Variants in KIF5C observed in about 807,000 individuals in gnomAD.
KIF5C encodes the protein kinesin family member 5C.
KIF5C carries 18 observed loss-of-function variants against 125.2 expected under a neutral mutation model. The observed-to-expected ratio is 0.14, with a 90% CI of 0.10 to 0.21. The LOEUF (loss-of-function observed/expected upper bound fraction) is 0.21. KIF5C is among the 10% of genes least tolerant of loss of function. The pLI is 1.00. For synonymous variants in KIF5C, 405 were observed against 434.0 expected, an observed-to-expected ratio of 0.93 and a Z score of 0.83; for missense variants, 780 against 1,183.8, an observed-to-expected ratio of 0.66 and a Z score of 5.01.
chr2:148,967,907 C>T (rs1415784310), intron 11 of KIF5C, among the ~76,000 whole-genome samples: 1 of 152,080 alleles, frequency 6.6e-6, no homozygotes, highest in Admixed American at 6.6e-5. Flanking sequence ...ATTACAGCTC[C>T]AGCTCATGCT....
intron 18 of KIF5C, chr2:148,998,124 C>A: frequency 2.2e-6 from 1 of 451,342 alleles, no homozygotes; most frequent in Non-Finnish European, 4.0e-6. Context: ...TGGAGAAGCT[C>A]AGGCTGGGCT....
At chr2:148,914,539 G>A (rs1220516280) in intron 1 of KIF5C, among the ~76,000 whole-genome samples, 1 of 152,260 alleles carries the variant, frequency 6.6e-6, no homozygotes, top group African/African-American at 2.4e-5. Flanking sequence ...TTCTAGCCTG[G>A]TTTCCCGCAG....
At chr2:148,958,274 C>T (rs573170997) in intron 10 of KIF5C, among the ~76,000 whole-genome samples, 2 of 152,176 alleles carry the variant, frequency 1.3e-5, no homozygotes, top group African/African-American at 2.4e-5. Context: ...TTTTCCAAAA[C>T]GACAGTAATA....
chr2:148,964,629 G>A (rs1683007108), intron 11 of KIF5C, among the ~76,000 whole-genome samples: 1 of 152,162 alleles, frequency 6.6e-6, no homozygotes, highest in Non-Finnish European at 1.5e-5. Context: ...TGACTGAGAA[G>A]CCAGTGAAGG....
intron 25 of KIF5C, among the ~76,000 whole-genome samples, chr2:149,019,730 AAAG>A (rs1232564519): frequency 2.0e-5 from 3 of 152,252 alleles, no homozygotes; most frequent in Admixed American, 2.0e-4. Flanking sequence ...TAAAAAGGCA[AAAG>A]AAAAACTAAA....
chr2:148,950,118 A>G (rs922124516), intron 9 of KIF5C, among the ~76,000 whole-genome samples, 175 bp downstream of exon 9: 6 of 152,162 alleles, frequency 3.9e-5, no homozygotes, highest in South Asian at 2.1e-4. Flanking sequence ...ACTAAAAAGT[A>G]TGAATGGTGA....
At chr2:148,998,610 C>A in intron 19 of KIF5C, 101 bp downstream of exon 19, 1 of 1,508,186 alleles carries the variant, frequency 6.6e-7, no homozygotes, top group Non-Finnish European at 8.9e-7. Context: ...CCCTGCTCAC[C>A]TTGCCCTGTG....
chr2:148,973,310 C>A lies in KIF5C; in HGVS notation c.1118-26C>A, dbSNP rs768939768. 4.4e-6 allele frequency: 7 copies of A among 1,596,410 alleles called. No homozygotes were observed. The Admixed American group carries it at 1.2e-4, about 28-fold the overall frequency. On this transcript the variant is annotated intron_variant, in intron 11 of 25. Transcript: ENST00000435030. The stretch of plus-strand genomic sequence containing the variant: ...TTGCATACTCAATTTCTTTAATCCC[C>A]AACTCTGCTCGGCTATGTTTTGCAG...
chr2:148,898,033 T>A (rs972584882), intron 1 of KIF5C, among the ~76,000 whole-genome samples: 1 of 143,698 alleles, frequency 7.0e-6, no homozygotes, highest in Non-Finnish European at 1.5e-5. Context: ...TGGAGAGGAG[T>A]TGAGCCCTGA....
At chr2:148,922,054 G>A in intron 1 of KIF5C, 83 bp from the exon 2 acceptor site, 1 of 851,750 alleles carries the variant, frequency 1.2e-6, no homozygotes, top group East Asian at 2.7e-5. Flanking sequence ...CTATGGCCTA[G>A]CTACTAATGT....
intron 25 of KIF5C, among the ~76,000 whole-genome samples, chr2:149,014,056 C>T (rs1179808681): frequency 2.1e-4 from 32 of 152,146 alleles, no homozygotes. Flanking sequence ...TGGAGTTTCA[C>T]TCTTGTTGCC....
At chr2:148,987,087 C>T (rs1681398702) in intron 15 of KIF5C, among the ~76,000 whole-genome samples, 1 of 152,120 alleles carries the variant, frequency 6.6e-6, no homozygotes, top group African/African-American at 2.4e-5. Context: ...GGAAGTGTAG[C>T]CTTTGGCCAG....
At chr2:148,886,828 G>T (rs568328218) in intron 1 of KIF5C, among the ~76,000 whole-genome samples, 7 of 152,294 alleles carry the variant, frequency 4.6e-5, no homozygotes, top group African/African-American at 1.7e-4. Flanking sequence ...ACTCCCCTAG[G>T]ATATATCCTA....
chr2:148,912,039 T>TGTA (rs1681360583), intron 1 of KIF5C, among the ~76,000 whole-genome samples: 1 of 152,206 alleles, frequency 6.6e-6, no homozygotes, highest in Admixed American at 6.5e-5. Flanking sequence ...TTTATCTTGG[T>TGTA]TCTATTAACT....
At chr2:148,962,769 C>T (rs1682961480) in intron 11 of KIF5C, among the ~76,000 whole-genome samples, 1 of 152,136 alleles carries the variant, frequency 6.6e-6, no homozygotes, top group African/African-American at 2.4e-5. Context: ...GAGGAAAGTG[C>T]CTGAGACTTA....
At chr2:148,940,672 A>G (rs1448634898) in intron 4 of KIF5C, among the ~76,000 whole-genome samples, 1 of 152,206 alleles carries the variant, frequency 6.6e-6, no homozygotes, top group Non-Finnish European at 1.5e-5. Context: ...TTTCAAAAGC[A>G]CTTATGAACA....
At chr2:148,902,177 A>G (rs1680932179) in intron 1 of KIF5C, among the ~76,000 whole-genome samples, 1 of 151,970 alleles carries the variant, frequency 6.6e-6, no homozygotes, top group African/African-American at 2.4e-5. Context: ...TGCAACCAGC[A>G]CCTTTTGTGG....
At chr2:148,994,382 C>G (rs1236567418) in intron 16 of KIF5C, 39 bp from the exon 17 acceptor site, 4 of 1,545,584 alleles carry the variant, frequency 2.6e-6, no homozygotes, top group Non-Finnish European at 3.5e-6. Flanking sequence ...TGGATGACCA[C>G]TTGCTAGTCA....
intron 1 of KIF5C, among the ~76,000 whole-genome samples, chr2:148,886,617 G>A (rs1337178077): frequency 6.6e-6 from 1 of 152,124 alleles, no homozygotes; most frequent in Non-Finnish European, 1.5e-5. Context: ...GGAGGCTTCT[G>A]GCACTGGGTC....
Sources: allele counts gnomAD v4.1 joint callset (sites outside exome capture counted in the v4.1 genomes callset), GRCh38; gene constraint gnomAD v4.1.1; transcripts MANE v1.5; gene names NCBI Gene and HGNC (gene_info 2026-07-23, HGNC 2026-07-21).